Variants in C8orf34 observed in about 807,000 individuals in gnomAD.
The protein encoded by C8orf34 is chromosome 8 open reading frame 34.
Under a neutral mutation model 68.3 loss-of-function variants are expected in C8orf34, and 65 were observed. The ratio of observed to expected loss-of-function variants is 0.95; its 90% CI spans 0.78 to 1.17. C8orf34 has a LOEUF of 1.17. Among genes scored for constraint, C8orf34 ranks in the 50% most tolerant of loss-of-function variants. The pLI is 0.00. For missense variants in C8orf34, 664 were observed against 655.4 expected, an observed-to-expected ratio of 1.01 and a Z score of -0.14; for synonymous variants, 244 against 241.2, an observed-to-expected ratio of 1.01 and a Z score of -0.11.
At chr8:68,685,918 A>G (rs1225360030) in intron 8 of C8orf34, among the ~76,000 whole-genome samples, 3 of 145,268 alleles carry the variant, frequency 2.1e-5, no homozygotes, top group African/African-American at 5.0e-5. Flanking sequence ...AAATAAATAA[A>G]TAAATGCTGA....
At position 68,346,013 on chromosome 8, in the gene C8orf34, C is replaced by G. The variant is rs553650201; in HGVS notation, c.327+14674C>G. On this transcript the variant is annotated intron_variant, in intron 1 of 13. Transcript: ENST00000518698. The stretch of plus-strand genomic sequence containing the variant: ...AATAACACATCTTGCTCCACCCTGT[C>G]CCCCACATCTATGTTAACATTGTCC... Among the ~76,000 whole-genome samples the G allele has an allele frequency of 3.5e-4, 53 of 152,172 alleles. 1 individual carries two copies. Among genetic ancestry groups the G allele is most frequent in the Non-Finnish European group, 2.9e-5 (2 of 68,000 alleles).
At chr8:68,792,226 G>A (rs920103395) in intron 12 of C8orf34, 1 of 151,948 alleles carries the variant, frequency 6.6e-6, no homozygotes, top group Admixed American at 6.6e-5. Context: ...TGATGAGAAA[G>A]GAAAGAAATA....
intron 1 of C8orf34, among the ~76,000 whole-genome samples, chr8:68,402,064 T>A (rs1808982337): frequency 6.6e-6 from 1 of 152,062 alleles, no homozygotes; most frequent in African/African-American, 2.4e-5. Context: ...TTGTGGGAGA[T>A]TTTTATTACT....
intron 1 of C8orf34, among the ~76,000 whole-genome samples, chr8:68,345,906 G>A (rs1024906228): frequency 6.6e-6 from 1 of 151,954 alleles, no homozygotes; most frequent in Non-Finnish European, 1.5e-5. Context: ...ACTAACAAAT[G>A]TATTAACTTA....
At chr8:68,488,519 G>A (rs1463530762) in intron 5 of C8orf34, among the ~76,000 whole-genome samples, 1 of 152,144 alleles carries the variant, frequency 6.6e-6, no homozygotes, top group Non-Finnish European at 1.5e-5. Flanking sequence ...TATGATGGTG[G>A]TGAGAAGTGG....
chr8:68,587,277 A>G (rs991307582), intron 7 of C8orf34, among the ~76,000 whole-genome samples: 2 of 152,166 alleles, frequency 1.3e-5, no homozygotes, highest in Non-Finnish European at 2.9e-5. Flanking sequence ...GGCACTAAAT[A>G]ATGGCAAAGC....
intron 1 of C8orf34, among the ~76,000 whole-genome samples, chr8:68,334,556 C>T (rs992335082): frequency 1.2e-4 from 18 of 152,006 alleles, no homozygotes; most frequent in African/African-American, 4.3e-4. Context: ...GTGCTCAGGG[C>T]AGTTATATAT....
chr8:68,605,329 AC>A (rs1377170230), intron 7 of C8orf34, among the ~76,000 whole-genome samples: 2 of 152,154 alleles, frequency 1.3e-5, no homozygotes, highest in Non-Finnish European at 2.9e-5. Context: ...ATATACTTTT[AC>A]CATATAATTC....
At chr8:68,444,446 A>G (rs1811039064) in intron 2 of C8orf34, among the ~76,000 whole-genome samples, 1 of 152,074 alleles carries the variant, frequency 6.6e-6, no homozygotes. Flanking sequence ...CATTGTGAAT[A>G]CTGTATTCTT....
intron 10 of C8orf34, among the ~76,000 whole-genome samples, chr8:68,742,549 A>G (rs1822333773): frequency 6.6e-6 from 1 of 152,096 alleles, no homozygotes; most frequent in Admixed American, 6.6e-5. Flanking sequence ...CTTTCTCCCC[A>G]TTTCTAAAAA....
chr8:68,587,390 CTTGTTATG>C, intron 7 of C8orf34, among the ~76,000 whole-genome samples: 1 of 152,160 alleles, frequency 6.6e-6, no homozygotes, highest in African/African-American at 2.4e-5. Flanking sequence ...GCTTTTTCAT[CTTGTTATG>C]TTATGAGTTT....
chr8:68,817,163 C>T (rs938184383), intron 13 of C8orf34, among the ~76,000 whole-genome samples: 15 of 152,146 alleles, frequency 9.9e-5, no homozygotes, highest in Non-Finnish European at 2.2e-4. Flanking sequence ...TATCATGGAA[C>T]TTACTAAATT....
At chr8:68,775,743 C>G (rs746929072) in intron 10 of C8orf34, among the ~76,000 whole-genome samples, 21 of 152,136 alleles carry the variant, frequency 1.4e-4, no homozygotes, top group Non-Finnish European at 2.8e-4. Context: ...ACATTAACAA[C>G]AGAAAATGTT....
intron 7 of C8orf34, among the ~76,000 whole-genome samples, chr8:68,628,041 A>G (rs555761641): frequency 5.1e-4 from 77 of 152,300 alleles, no homozygotes; most frequent in African/African-American, 1.8e-3. Flanking sequence ...TTCTTTCTTT[A>G]TTGATCTCAT....
At chr8:68,569,054 C>T (rs1816687592) in intron 7 of C8orf34, among the ~76,000 whole-genome samples, 1 of 152,210 alleles carries the variant, frequency 6.6e-6, no homozygotes. Context: ...TCTGTTTTCT[C>T]TTCTTTTCAC....
intron 8 of C8orf34, among the ~76,000 whole-genome samples, chr8:68,704,326 G>A (rs562267484): frequency 2.5e-4 from 38 of 152,196 alleles, no homozygotes; most frequent in Admixed American, 5.9e-4. Context: ...GAGGGATGGC[G>A]TGGTGGGGAG....
intron 1 of C8orf34, chr8:68,439,010 T>C (rs1810784549): frequency 6.6e-6 from 1 of 152,228 alleles, no homozygotes; most frequent in African/African-American, 2.4e-5. Context: ...TCTGTAAGTC[T>C]GTGACTTATT....
chr8:68,529,475 A>G (rs756065088), intron 6 of C8orf34, among the ~76,000 whole-genome samples: 2 of 152,246 alleles, frequency 1.3e-5, no homozygotes, highest in Non-Finnish European at 2.9e-5. Context: ...AGTTGTTTTC[A>G]TAATTCATTA....
chr8:68,558,011 C>T (rs983713619), intron 7 of C8orf34, among the ~76,000 whole-genome samples: 1 of 152,052 alleles, frequency 6.6e-6, no homozygotes, highest in Admixed American at 6.6e-5. Flanking sequence ...GCCTTTATAA[C>T]TGGAGAAAGA....
Sources: gnomAD v4.1 joint callset for allele counts (sites outside exome capture counted in the v4.1 genomes callset) on GRCh38, gnomAD v4.1.1 for gene constraint, MANE v1.5 for transcripts, NCBI Gene and HGNC (gene_info 2026-07-23, HGNC 2026-07-21) for gene names.